The following VSTM2B variants were observed in gnomAD, a reference collection of about 807,000 sequenced individuals.
The protein encoded by VSTM2B is V-set and transmembrane domain-containing protein 2B.
VSTM2B carries 24 observed loss-of-function variants against 24.0 expected under a neutral mutation model. That is an observed-to-expected ratio of 1.00 (90% confidence interval 0.72 to 1.40). VSTM2B has a LOEUF of 1.40. Ranked by LOEUF, VSTM2B falls within the 40% of genes most tolerant of loss-of-function variation. The probability of loss-of-function intolerance (pLI) is 0.00; values close to 1 mark genes in which losing one functional copy is unlikely to be tolerated. For missense variants in VSTM2B, 399 were observed against 416.4 expected (o/e 0.96, Z 0.36); for synonymous variants, 226 against 194.4 (o/e 1.16, Z -1.35).
intron 4 of VSTM2B, among the ~76,000 whole-genome samples, chr19:29,532,529 G>T (rs1349946170): frequency 6.6e-6 from 1 of 152,158 alleles, no homozygotes; most frequent in Admixed American, 6.5e-5. Context: ...TGCATTACAG[G>T]CTGGGACGTA....
rs1324008174 is a variant in VSTM2B, at chr19:29,528,282, C to T, written c.268-151C>T. ...TTCCTCCTGGGAAACTCTTGGAAAGCCGGACGTCCTTTGTGCCCTCAACCC... is the reference window on the plus strand; with the variant it reads ...TTCCTCCTGGGAAACTCTTGGAAAGTCGGACGTCCTTTGTGCCCTCAACCC... On this transcript the variant is annotated intron_variant, in intron 2 of 4. Transcript: ENST00000335523. 6.5e-6 allele frequency: 6 copies of T among 928,218 alleles called. No individual in the cohort carries two copies. The East Asian group carries it at 1.3e-4, about 20-fold the overall frequency. The allele number at this position is 928,218 out of a possible 1,614,324, so 57.5% of individuals were successfully genotyped here.
At chr19:29,532,358 G>A (rs1160807555) in intron 4 of VSTM2B, among the ~76,000 whole-genome samples, 2 of 152,180 alleles carry the variant, frequency 1.3e-5, no homozygotes, top group Non-Finnish European at 2.9e-5. Flanking sequence ...ACAGTGCAAG[G>A]GGAGCGTGAC....
intron 4 of VSTM2B, among the ~76,000 whole-genome samples, chr19:29,543,486 G>T (rs1970071433): frequency 6.6e-6 from 1 of 152,094 alleles, no homozygotes; most frequent in African/African-American, 2.4e-5. Context: ...AATGGGAAAG[G>T]ACTGCTGTTA....
chr19:29,552,030 T>A (rs1165776280), intron 4 of VSTM2B, among the ~76,000 whole-genome samples: 1 of 152,198 alleles, frequency 6.6e-6, no homozygotes, highest in Non-Finnish European at 1.5e-5. Flanking sequence ...AGAGGCCAAG[T>A]GCTGGACATT....
intron 4 of VSTM2B, among the ~76,000 whole-genome samples, chr19:29,535,054 C>T (rs994353044): frequency 6.6e-6 from 1 of 152,216 alleles, no homozygotes; most frequent in East Asian, 1.9e-4. Flanking sequence ...ATTCATTTCA[C>T]GTCTCATTTG....
At chr19:29,559,326 C>G (rs1315951300) in intron 4 of VSTM2B, among the ~76,000 whole-genome samples, 1 of 152,186 alleles carries the variant, frequency 6.6e-6, no homozygotes, top group African/African-American at 2.4e-5. Flanking sequence ...ATGAATGAAG[C>G]TGGAAATCAC....
intron 4 of VSTM2B, among the ~76,000 whole-genome samples, 168 bp downstream of exon 4, chr19:29,530,458 G>C (rs1402113159): frequency 6.6e-6 from 1 of 152,166 alleles, no homozygotes; most frequent in Non-Finnish European, 1.5e-5. Flanking sequence ...CCTTCTTCCC[G>C]CGGTTTCTCT....
intron 4 of VSTM2B, among the ~76,000 whole-genome samples, chr19:29,556,950 A>G (rs1296213514): frequency 1.3e-5 from 2 of 152,240 alleles, no homozygotes; most frequent in East Asian, 1.9e-4. Context: ...GAAAATGGCC[A>G]TACTACCCAA....
At chr19:29,550,830 A>G (rs1441486962) in intron 4 of VSTM2B, among the ~76,000 whole-genome samples, 1 of 108,156 alleles carries the variant, frequency 9.2e-6, no homozygotes, top group Non-Finnish European at 1.8e-5. Flanking sequence ...CTCAAACCTG[A>G]AAAAAAAAAA....
At chr19:29,550,120 G>A (rs1244994352) in intron 4 of VSTM2B, among the ~76,000 whole-genome samples, 2 of 152,226 alleles carry the variant, frequency 1.3e-5, no homozygotes, top group African/African-American at 4.8e-5. Context: ...TTCTAGCCAA[G>A]AAGCCCTTGT....
At chr19:29,554,740 A>G (rs1484019772) in intron 4 of VSTM2B, among the ~76,000 whole-genome samples, 1 of 152,234 alleles carries the variant, frequency 6.6e-6, no homozygotes, top group Non-Finnish European at 1.5e-5. Context: ...AAGCAAATGG[A>G]AAGCAGAAAA....
At chr19:29,537,756 CG>C (rs1449384197) in intron 4 of VSTM2B, among the ~76,000 whole-genome samples, 2 of 150,060 alleles carry the variant, frequency 1.3e-5, no homozygotes, top group African/African-American at 5.0e-5. Flanking sequence ...CCTACTCTCC[CG>C]CACCCATGGG....
At chr19:29,550,782 A>G (rs1970262836) in intron 4 of VSTM2B, among the ~76,000 whole-genome samples, 1 of 151,856 alleles carries the variant, frequency 6.6e-6, no homozygotes, top group Non-Finnish European at 1.5e-5. Context: ...TTGTGTGTAG[A>G]GCCAGACCTC....
rs2145451648 is a variant in VSTM2B at position 29,526,508 on chromosome 19, C to G, written c.-76C>G. 1 of 1,234,534 alleles carries G rather than the reference C, an allele frequency of 8.1e-7. No homozygotes were observed. The highest frequency in any genetic ancestry group is 1.6e-5 in the African/African-American group (1 of 62,550). The allele number at this position is 1,234,534 out of a possible 1,614,324, so 76.5% of individuals were successfully genotyped here. A position where few individuals can be genotyped will look rare whatever the true frequency, so the allele number is the denominator to read the frequency against. On this transcript the variant is annotated 5_prime_UTR_variant, in exon 1 of 5. Coordinates refer to ENST00000335523, the MANE Select transcript of VSTM2B (RefSeq NM_001146339.2). The surrounding 1 kb of genome is among the most constrained non-coding windows in gnomAD (Gnocchi z 4.1). ...GGCTCGGAGGCGTCCTAGCCCGAGC[C>G]GGAGCCGATCCGAGCCCACGCGGCC...
intron 4 of VSTM2B, among the ~76,000 whole-genome samples, chr19:29,535,259 C>A (rs1485728246): frequency 6.6e-6 from 1 of 152,140 alleles, no homozygotes; most frequent in African/African-American, 2.4e-5. Context: ...AGAGACCAAG[C>A]AGAGTATCTT....
intron 4 of VSTM2B, among the ~76,000 whole-genome samples, chr19:29,555,532 A>C (rs192498207): frequency 6.6e-6 from 1 of 152,284 alleles, no homozygotes; most frequent in East Asian, 1.9e-4. Context: ...CAAAGCTAGT[A>C]AAAGAAAAGA....
intron 4 of VSTM2B, among the ~76,000 whole-genome samples, chr19:29,542,698 G>A (rs1054665097): frequency 6.6e-6 from 1 of 152,160 alleles, no homozygotes; most frequent in Non-Finnish European, 1.5e-5. Flanking sequence ...TGAATGGAGA[G>A]TAGAAAGTAG....
At chr19:29,553,181 CA>C (rs949691005) in intron 4 of VSTM2B, among the ~76,000 whole-genome samples, 24 of 152,146 alleles carry the variant, frequency 1.6e-4, no homozygotes, top group Non-Finnish European at 2.9e-5. Context: ...GGTCACCATA[CA>C]GGAGTGTTCA....
At chr19:29,532,737 C>T (rs1274060066) in intron 4 of VSTM2B, among the ~76,000 whole-genome samples, 1 of 152,206 alleles carries the variant, frequency 6.6e-6, no homozygotes, top group East Asian at 1.9e-4. Context: ...TATTATCACC[C>T]TGGTCATTAG....
Sources: gnomAD v4.1 joint callset for allele counts (sites outside exome capture counted in the v4.1 genomes callset) on GRCh38, gnomAD v4.1.1 for gene constraint, Gnocchi (gnomAD v3.1) non-coding constraint, MANE v1.5 for transcripts, NCBI Gene and HGNC (gene_info 2026-07-23, HGNC 2026-07-21) for gene names.